The following POU3F3 variants were observed in gnomAD, a reference collection of about 807,000 sequenced individuals.
POU3F3 encodes POU domain, class 3, transcription factor 3.
Under a neutral mutation model 8.6 loss-of-function variants are expected in POU3F3, and 1 was observed. The ratio of observed to expected loss-of-function variants is 0.12; its 90% CI spans 0.04 to 0.55. The LOEUF is 0.55. POU3F3 is among the 20% of genes least tolerant of loss of function. POU3F3 has a pLI of 0.91. For missense variants in POU3F3, 577 were observed against 690.7 expected (o/e 0.84, Z 1.84); for synonymous variants, 418 against 327.4 (o/e 1.28, Z -2.99).
At chr2:104,878,202 C>A in the POU3F3 span, among the ~76,000 whole-genome samples, 1 of 152,110 alleles carries the variant, frequency 6.6e-6, no homozygotes, top group African/African-American at 2.4e-5. Context: ...GCAGACCGAG[C>A]CTTAATCAGC....
chr2:104,920,182 C>G, the POU3F3 span, among the ~76,000 whole-genome samples: 31 of 152,158 alleles, frequency 2.0e-4, no homozygotes, highest in African/African-American at 7.5e-4. Flanking sequence ...GCCCAGCTAA[C>G]TTTTGTATTT....
chr2:104,925,267 T>C, the POU3F3 span, among the ~76,000 whole-genome samples: 2 of 152,184 alleles, frequency 1.3e-5, no homozygotes, highest in Non-Finnish European at 2.9e-5. Context: ...CTTTATGTCT[T>C]TATTAGAGAA....
the POU3F3 span, among the ~76,000 whole-genome samples, chr2:104,913,245 C>T: frequency 6.6e-6 from 1 of 151,844 alleles, no homozygotes; most frequent in African/African-American, 2.4e-5. Context: ...GTAACACACA[C>T]ATTCCTTGGC....
chr2:104,914,882 G>A, the POU3F3 span, among the ~76,000 whole-genome samples: 3 of 152,220 alleles, frequency 2.0e-5, no homozygotes, highest in Non-Finnish European at 2.9e-5. Context: ...CGTGGTAAAA[G>A]CAGGGACATT....
the POU3F3 span, among the ~76,000 whole-genome samples, chr2:104,910,872 T>A: frequency 6.6e-6 from 1 of 151,520 alleles, no homozygotes; most frequent in Non-Finnish European, 1.5e-5. Context: ...AAAAGACAAA[T>A]ACAACAATAA....
chr2:104,894,906 G>A, the POU3F3 span, among the ~76,000 whole-genome samples: 1 of 152,200 alleles, frequency 6.6e-6, no homozygotes, highest in Non-Finnish European at 1.5e-5. Flanking sequence ...TCTATTTCTG[G>A]GCCTGGTGTT....
In POU3F3 at chr2:104,857,036, GGCCGCC is replaced by G. The variant is rs748277563; in HGVS notation, c.*36_*41del. ...TGAAGCCAGGGCGCAGAGCGAAGAGGGCCGCCGCCGCCGCCGCCTCCGCAGCCGCCG... is the reference window on the plus strand; with the variant it reads ...TGAAGCCAGGGCGCAGAGCGAAGAGGGCCGCCGCCGCCTCCGCAGCCGCCG... On this transcript the variant is annotated 3_prime_UTR_variant, in exon 1 of 1. Coordinates refer to ENST00000361360, the MANE Select transcript of POU3F3 (RefSeq NM_006236.3). The G allele has an allele frequency of 6.6e-4, 959 of 1,454,844 alleles. 6 individuals are homozygous for G. Among genetic ancestry groups the G allele is most frequent in the Middle Eastern group, 4.8e-4 (2 of 4,186 alleles). The allele number at this position is 1,454,844 out of a possible 1,614,324, so 90.1% of individuals were successfully genotyped here. A position where few individuals can be genotyped will look rare whatever the true frequency, so the allele number is the denominator to read the frequency against.
At chr2:104,898,107 C>T in the POU3F3 span, among the ~76,000 whole-genome samples, 20 of 152,218 alleles carry the variant, frequency 1.3e-4, no homozygotes, top group African/African-American at 4.8e-4. Context: ...TTGTGAGTGT[C>T]GTGAATGGGA....
At chr2:104,859,570 A>T (rs1032312011), downstream of POU3F3, among the ~76,000 whole-genome samples, 1 of 152,148 alleles carries the variant, frequency 6.6e-6, no homozygotes, top group Admixed American at 6.6e-5. Context: ...TCTCCCTGTG[A>T]TATCAATGCA....
At chr2:104,901,849 C>T in the POU3F3 span, among the ~76,000 whole-genome samples, 580 of 152,284 alleles carry the variant, frequency 3.8e-3, 6 homozygotes, top group African/African-American at 0.013. Context: ...TTAACCAAGT[C>T]GCTGTGTAAG....
the POU3F3 span, among the ~76,000 whole-genome samples, chr2:104,894,309 G>A: frequency 6.6e-6 from 1 of 152,360 alleles, no homozygotes; most frequent in South Asian, 2.1e-4. Flanking sequence ...TAATCTAATA[G>A]TCTGACTTTA....
chr2:104,856,001 T>C lies in POU3F3; in HGVS notation c.491T>C (p.Leu164Pro). The change falls in exon 1 of 1, where the codon CTG becomes CCG. Residue 164 changes from leucine to proline, a missense_variant. Transcript: ENST00000361360. ...GACGACCTGCACGCGGGCACAGCGC[T>C]GCACCACCGCGGGCCGCCGCACCTC... ...GRDDLHAGTA[L>P]HHRGPPHLGP... 2.0e-6 allele frequency: 2 copies of C among 985,172 alleles called. No homozygotes were observed. Among genetic ancestry groups the C allele is most frequent in the South Asian group, 9.1e-5 (2 of 22,040 alleles). 61.0% of individuals were successfully genotyped at this position (985,172 alleles called of 1,614,324 possible).
At chr2:104,898,556 T>G in the POU3F3 span, among the ~76,000 whole-genome samples, 1 of 152,210 alleles carries the variant, frequency 6.6e-6, no homozygotes, top group Non-Finnish European at 1.5e-5. Flanking sequence ...AGAGTTTCTA[T>G]TACATATAAA....
chr2:104,897,119 G>A, the POU3F3 span, among the ~76,000 whole-genome samples: 3 of 152,228 alleles, frequency 2.0e-5, no homozygotes, highest in Non-Finnish European at 4.4e-5. Flanking sequence ...GGGAAGGGGA[G>A]TTAACTCCAG....
chr2:104,925,534 C>G, the POU3F3 span, among the ~76,000 whole-genome samples: 25 of 152,264 alleles, frequency 1.6e-4, no homozygotes, highest in South Asian at 5.2e-3. Flanking sequence ...AACAGAATCT[C>G]TCTGGATTAT....
the POU3F3 span, among the ~76,000 whole-genome samples, chr2:104,923,363 G>A: frequency 1.3e-5 from 2 of 152,156 alleles, no homozygotes; most frequent in African/African-American, 4.8e-5. Flanking sequence ...ATTTAAACAT[G>A]TAAGTTTGTA....
chr2:104,897,026 C>T, the POU3F3 span, among the ~76,000 whole-genome samples: 1 of 152,198 alleles, frequency 6.6e-6, no homozygotes, highest in African/African-American at 2.4e-5. Context: ...AGTCCAGTTT[C>T]CTCCTCTCTC....
chr2:104,900,899 T>G, the POU3F3 span, among the ~76,000 whole-genome samples: 2 of 152,290 alleles, frequency 1.3e-5, no homozygotes, highest in Admixed American at 1.3e-4. Flanking sequence ...CCCTAATAAA[T>G]TACATGATTA....
In POU3F3 at chr2:104,856,080, CGCCGCTGCCGCA is replaced by C; in HGVS notation, c.576_587del (p.Ala201_Ala204del). On this transcript the variant is annotated inframe_deletion, in exon 1 of 1. Transcript: ENST00000361360. ...GCCACCCTGGGGGCTGGGGGGCGGC[CGCCGCTGCCGCA>C]GCCGCAGCCGCCGCCGCCGCCGCCG... The C allele has an allele frequency of 9.8e-7, 1 of 1,015,798 alleles. No homozygotes were observed. The highest frequency in any genetic ancestry group is 1.2e-6 in the Non-Finnish European group (1 of 857,104). 62.9% of individuals were successfully genotyped at this position (1,015,798 alleles called of 1,614,324 possible).
Sources: allele counts gnomAD v4.1 joint callset (sites outside exome capture counted in the v4.1 genomes callset), GRCh38; gene constraint gnomAD v4.1.1; transcripts MANE v1.5; gene names NCBI Gene and HGNC (gene_info 2026-07-23, HGNC 2026-07-21).